The following MRTFA variants were observed in gnomAD, a reference collection of about 807,000 sequenced individuals.
MRTFA encodes myocardin related transcription factor A.
In MRTFA, 20 loss-of-function variants were observed where a neutral mutation model predicts 83.5. The observed-to-expected ratio is 0.24, with a 90% CI of 0.17 to 0.35. The LOEUF is 0.35. Ranked by LOEUF, MRTFA falls within the 10% of genes least tolerant of loss-of-function variation. The pLI is 1.00. For synonymous variants in MRTFA, 659 were observed against 541.2 expected, an observed-to-expected ratio of 1.22 and a Z score of -3.02; for missense variants, 1,200 against 1,224.7, an observed-to-expected ratio of 0.98 and a Z score of 0.30.
chr22:40,579,184 G>C (rs1307714192), intron 2 of MRTFA, among the ~76,000 whole-genome samples: 1 of 152,176 alleles, frequency 6.6e-6, no homozygotes, highest in African/African-American at 2.4e-5. Context: ...CTAATTTAAA[G>C]ATGAATGCTA....
chr22:40,580,753 T>G (rs1209275765), intron 2 of MRTFA, among the ~76,000 whole-genome samples: 1 of 152,172 alleles, frequency 6.6e-6, no homozygotes, highest in African/African-American at 2.4e-5. Context: ...ACATATGTTT[T>G]CCTTAGACAA....
At chr22:40,491,614 T>G (rs2054273886) in intron 3 of MRTFA, among the ~76,000 whole-genome samples, 1 of 152,180 alleles carries the variant, frequency 6.6e-6, no homozygotes, top group Non-Finnish European at 1.5e-5. Context: ...AAGGCCAAAG[T>G]GCATTTTATG....
chr22:40,461,980 C>A (rs2053722792), intron 4 of MRTFA, among the ~76,000 whole-genome samples: 1 of 152,194 alleles, frequency 6.6e-6, no homozygotes, highest in African/African-American at 2.4e-5. Context: ...GCACCAGGCC[C>A]AGACACTTGC....
chr22:40,537,100 C>T (rs1162527311), intron 3 of MRTFA, among the ~76,000 whole-genome samples: 2 of 54,396 alleles, frequency 3.7e-5, no homozygotes, highest in African/African-American at 1.4e-4. Context: ...CCGTGCCGTC[C>T]GGGAGGGAGG....
intron 2 of MRTFA, among the ~76,000 whole-genome samples, chr22:40,566,350 G>T (rs2055702936): frequency 6.6e-6 from 1 of 151,732 alleles, no homozygotes; most frequent in Non-Finnish European, 1.5e-5. Context: ...CTCCTGAATA[G>T]CTGGGATTGC....
At chr22:40,561,489 T>TAAAAA (rs58076826) in intron 2 of MRTFA, among the ~76,000 whole-genome samples, 2 of 112,476 alleles carry the variant, frequency 1.8e-5, no homozygotes, top group Non-Finnish European at 3.8e-5. Flanking sequence ...AAACTATGTC[T>TAAAAA]AAAAAAAAAA....
At chr22:40,581,321 A>T (rs1265019785) in intron 2 of MRTFA, among the ~76,000 whole-genome samples, 1 of 152,216 alleles carries the variant, frequency 6.6e-6, no homozygotes, top group East Asian at 1.9e-4. Flanking sequence ...TTTTGCATAA[A>T]TGGAAGGTTC....
chr22:40,417,071 AAG>A (rs750915117), intron 13 of MRTFA, 25 bp from the exon 14 acceptor site: 33 of 1,561,830 alleles, frequency 2.1e-5, no homozygotes, highest in African/African-American at 9.5e-5. Flanking sequence ...AAAAAAAAAA[AAG>A]AGATAAAAAT....
At chr22:40,434,529 C>A (rs1166021886) in intron 5 of MRTFA, among the ~76,000 whole-genome samples, 2 of 152,132 alleles carry the variant, frequency 1.3e-5, no homozygotes, top group African/African-American at 2.4e-5. Flanking sequence ...TGAGACCAGG[C>A]TGGCCAACAT....
At chr22:40,431,041 T>G (rs566885423) in intron 6 of MRTFA, among the ~76,000 whole-genome samples, 1 of 152,270 alleles carries the variant, frequency 6.6e-6, no homozygotes, top group East Asian at 1.9e-4. Flanking sequence ...AGTAAGTGTA[T>G]TTTAAAAACA....
chr22:40,623,755 G>A (rs2147439413), intron 1 of MRTFA, among the ~76,000 whole-genome samples: 1 of 152,116 alleles, frequency 6.6e-6, no homozygotes, highest in East Asian at 1.9e-4. Flanking sequence ...ACCTATTTTG[G>A]GTTAAATGCT....
At chr22:40,551,893 G>A (rs564792495) in intron 3 of MRTFA, among the ~76,000 whole-genome samples, 1 of 152,200 alleles carries the variant, frequency 6.6e-6, no homozygotes, top group South Asian at 2.1e-4. Flanking sequence ...ATAGGGTGAG[G>A]GAAGCAGAGA....
chr22:40,617,873 T>G (rs1241094776), intron 1 of MRTFA, among the ~76,000 whole-genome samples: 1 of 152,154 alleles, frequency 6.6e-6, no homozygotes, highest in Non-Finnish European at 1.5e-5. Context: ...CAAAAAGTAC[T>G]TATTAACACC....
chr22:40,610,537 T>G (rs1274710165), intron 1 of MRTFA, among the ~76,000 whole-genome samples: 2 of 152,150 alleles, frequency 1.3e-5, no homozygotes, highest in Non-Finnish European at 2.9e-5. Context: ...GCTCTTAATC[T>G]CCTTGGCTTC....
chr22:40,558,911 G>A lies in MRTFA; in HGVS notation c.-21-6544C>T, dbSNP rs138635844. On this transcript the variant is annotated intron_variant, in intron 2 of 14. Transcript: ENST00000355630. ...AGTGATTCTCATGTCTCAGCCTCCC[G>A]AGTAGCTGGGATTACAGGCACGCAA... 4.5e-3 allele frequency among the ~76,000 whole-genome samples: 686 copies of A among 151,156 alleles called. 3 individuals are homozygous for A. The highest frequency in any genetic ancestry group is 0.024 in the Middle Eastern group (7 of 292).
chr22:40,498,366 C>T (rs929134172), intron 3 of MRTFA, among the ~76,000 whole-genome samples: 3 of 140,340 alleles, frequency 2.1e-5, no homozygotes, highest in African/African-American at 5.3e-5. Flanking sequence ...CTCACTGCAG[C>T]CCTGATCTCC....
Position 40,421,944 on chromosome 22 carries a change from AACAG to A in MRTFA, c.928-848_928-845del, listed in dbSNP as rs1413415268. On this transcript the variant is annotated intron_variant, in intron 9 of 14. Coordinates refer to ENST00000355630, the MANE Select transcript of MRTFA (RefSeq NM_020831.6). ...TGGGCAGGTGACCCACTAGTGGAAGAACAGACAAAGTGAACATGTGGCAGGTGAG... is the reference window on the plus strand; with the variant it reads ...TGGGCAGGTGACCCACTAGTGGAAGAACAAAGTGAACATGTGGCAGGTGAG... 2.0e-5 allele frequency among the ~76,000 whole-genome samples: 3 copies of A among 152,370 alleles called. 1 individual carries two copies. The highest frequency in any genetic ancestry group is 6.5e-5 in the Admixed American group (1 of 15,302).
At chr22:40,435,761 T>C (rs2053157590) in intron 4 of MRTFA, among the ~76,000 whole-genome samples, 1 of 151,734 alleles carries the variant, frequency 6.6e-6, no homozygotes, top group African/African-American at 2.4e-5. Context: ...TGAAACCCTG[T>C]CTCTACTAAA....
At chr22:40,465,294 T>C (rs1416164945) in intron 3 of MRTFA, among the ~76,000 whole-genome samples, 1 of 152,206 alleles carries the variant, frequency 6.6e-6, no homozygotes. Context: ...TAGCACTTAA[T>C]ACATAGTAGG....
Sources: allele counts gnomAD v4.1 joint callset (sites outside exome capture counted in the v4.1 genomes callset), GRCh38; gene constraint gnomAD v4.1.1; transcripts MANE v1.5; gene names NCBI Gene and HGNC (gene_info 2026-07-23, HGNC 2026-07-21).